Variants in KCNU1 observed in about 807,000 individuals in gnomAD.
KCNU1 encodes the protein potassium channel subfamily U member 1.
Under a neutral mutation model 126.8 loss-of-function variants are expected in KCNU1, and 93 were observed. The observed-to-expected ratio is 0.73, with a 90% CI of 0.62 to 0.87. The LOEUF (loss-of-function observed/expected upper bound fraction) is 0.87, where lower values mean the gene tolerates loss of function less well. Among genes scored for constraint, KCNU1 ranks in the 40% least tolerant of loss-of-function variants. KCNU1 has a pLI of 0.00. For missense variants in KCNU1, 1,330 were observed against 1,367.1 expected, an observed-to-expected ratio of 0.97 and a Z score of 0.43; for synonymous variants, 523 against 494.2, an observed-to-expected ratio of 1.06 and a Z score of -0.77.
At chr8:36,819,835 C>G (rs1361501353) in intron 10 of KCNU1, among the ~76,000 whole-genome samples, 18 of 152,108 alleles carry the variant, frequency 1.2e-4, no homozygotes, top group Admixed American at 1.2e-3. Flanking sequence ...ATACTCCTGC[C>G]CCTTCTCCCA....
At chr8:36,854,002 G>C (rs148428656) in intron 18 of KCNU1, among the ~76,000 whole-genome samples, 18 of 152,178 alleles carry the variant, frequency 1.2e-4, no homozygotes, top group Admixed American at 9.2e-4. Flanking sequence ...TAAATTCTTT[G>C]TTGGCAGTTG....
At chr8:36,788,690 T>C (rs1264454693) in intron 2 of KCNU1, among the ~76,000 whole-genome samples, 2 of 152,248 alleles carry the variant, frequency 1.3e-5, no homozygotes, top group Non-Finnish European at 2.9e-5. Context: ...CTCTCCTTTT[T>C]CTGTCTTCCG....
At chr8:36,791,807 A>G (rs192731463) in intron 2 of KCNU1, among the ~76,000 whole-genome samples, 1 of 152,332 alleles carries the variant, frequency 6.6e-6, no homozygotes, top group African/African-American at 2.4e-5. Flanking sequence ...CAGTCTCTTC[A>G]TATTTTATAT....
At chr8:36,805,756 A>G (rs1803475716) in intron 4 of KCNU1, among the ~76,000 whole-genome samples, 1 of 152,138 alleles carries the variant, frequency 6.6e-6, no homozygotes. Context: ...TCTAGATTTC[A>G]ATCTCTTCAT....
chr8:36,888,385 C>T (rs2117432598), intron 19 of KCNU1: 1 of 358,658 alleles, frequency 2.8e-6, no homozygotes, highest in South Asian at 2.1e-5. Flanking sequence ...CCTGCCACTC[C>T]TCCCTCCCCC....
intron 25 of KCNU1, among the ~76,000 whole-genome samples, chr8:36,931,427 C>T (rs945496046): frequency 6.6e-5 from 10 of 152,052 alleles, no homozygotes; most frequent in Admixed American, 2.0e-4. Flanking sequence ...CAGGGAGCAT[C>T]GGAGAGGCCT....
intron 19 of KCNU1, among the ~76,000 whole-genome samples, chr8:36,899,277 G>T (rs1374561685): frequency 1.4e-5 from 2 of 139,078 alleles, no homozygotes; most frequent in African/African-American, 5.2e-5. Context: ...TAACTTCTAA[G>T]CTAGAAGATA....
chr8:36,786,167 T>C (rs908788411), intron 1 of KCNU1, among the ~76,000 whole-genome samples: 1 of 151,998 alleles, frequency 6.6e-6, no homozygotes, highest in African/African-American at 2.4e-5. Flanking sequence ...ATTTTAAAAA[T>C]TATTTGGAGA....
At position 36,864,988 on chromosome 8, in the gene KCNU1, T is replaced by C. The variant is rs187961322; in HGVS notation, c.2009+467T>C. ...AACCTCCACTAACCAGAAAGAAGAG[T>C]TGGAGGAGGATGACCTGCTTAGTTG... On this transcript the variant is annotated intron_variant, in intron 19 of 26. Transcript: ENST00000399881. Among the ~76,000 whole-genome samples, 83 of 152,092 alleles carry C rather than the reference T, an allele frequency of 5.5e-4. 1 individual carries two copies. Among genetic ancestry groups the C allele is most frequent in the Non-Finnish European group, 9.7e-4 (66 of 67,990 alleles).
chr8:36,876,530 A>G (rs1475177712), intron 19 of KCNU1, among the ~76,000 whole-genome samples: 1 of 152,122 alleles, frequency 6.6e-6, no homozygotes, highest in Non-Finnish European at 1.5e-5. Flanking sequence ...CTATCTTCCC[A>G]TCTAGAACCA....
chr8:36,802,108 C>CAAA (rs749026223), intron 2 of KCNU1, among the ~76,000 whole-genome samples: 17 of 72,314 alleles, frequency 2.4e-4, no homozygotes, highest in East Asian at 1.6e-3. Context: ...AACTCCGTCT[C>CAAA]AAAAAAAAAA....
At chr8:36,829,060 C>T (rs961846342) in intron 10 of KCNU1, among the ~76,000 whole-genome samples, 3 of 152,070 alleles carry the variant, frequency 2.0e-5, no homozygotes, top group Non-Finnish European at 4.4e-5. Flanking sequence ...CATCTTTTCT[C>T]TTTCCGTGAC....
At chr8:36,923,005 A>T (rs1563338904) in intron 24 of KCNU1, 2 of 462,904 alleles carry the variant, frequency 4.3e-6, no homozygotes, top group Non-Finnish European at 8.6e-6. Flanking sequence ...TTGGCCATAA[A>T]GGGATCCCAG....
intron 19 of KCNU1, among the ~76,000 whole-genome samples, chr8:36,905,007 C>T (rs1164987241): frequency 6.6e-6 from 1 of 152,100 alleles, no homozygotes; most frequent in African/African-American, 2.4e-5. Context: ...TTCTTATTCT[C>T]TCACAAGCAA....
chr8:36,898,819 A>C lies in KCNU1; in HGVS notation c.2010-6889A>C, dbSNP rs543818739. ...TGTGGGAAAGAGCACCTAAAACTAC[A>C]ACCTTATGCTGAAAAAAATTGGCTG... On this transcript the variant is annotated intron_variant, in intron 19 of 26. Coordinates refer to ENST00000399881, the MANE Select transcript of KCNU1 (RefSeq NM_001031836.3). Among the ~76,000 whole-genome samples the C allele has an allele frequency of 3.3e-5, 5 of 151,876 alleles. No homozygotes were observed. The South Asian group carries it at 1.0e-3, about 32-fold the overall frequency.
intron 22 of KCNU1, among the ~76,000 whole-genome samples, chr8:36,917,073 C>G (rs1379879014): frequency 1.3e-5 from 2 of 152,132 alleles, no homozygotes; most frequent in Non-Finnish European, 2.9e-5. Context: ...TTTCAGGGGG[C>G]CTTAGCACAG....
At chr8:36,794,599 G>A (rs745420089) in intron 2 of KCNU1, among the ~76,000 whole-genome samples, 2 of 151,588 alleles carry the variant, frequency 1.3e-5, no homozygotes, top group Admixed American at 6.6e-5. Flanking sequence ...AACTTTTTCT[G>A]GTACCCAGAC....
chr8:36,811,374 G>C (rs1803704380), intron 7 of KCNU1, among the ~76,000 whole-genome samples: 1 of 151,964 alleles, frequency 6.6e-6, no homozygotes, highest in Non-Finnish European at 1.5e-5. Context: ...AATCCAAGCA[G>C]AACAAAACAG....
At chr8:36,925,522 C>T (rs1317353832) in intron 24 of KCNU1, among the ~76,000 whole-genome samples, 2 of 152,162 alleles carry the variant, frequency 1.3e-5, no homozygotes, top group East Asian at 3.9e-4. Context: ...ATTGTGAATG[C>T]TGATAATTTT....
Sources: allele counts gnomAD v4.1 joint callset (sites outside exome capture counted in the v4.1 genomes callset), GRCh38; gene constraint gnomAD v4.1.1; transcripts MANE v1.5; gene names NCBI Gene and HGNC (gene_info 2026-07-23, HGNC 2026-07-21).